RMDN2: variants seen among roughly 807,000 people sequenced by gnomAD.
RMDN2 encodes regulator of microtubule dynamics protein 2.
Under a neutral mutation model 52.8 loss-of-function variants are expected in RMDN2, and 61 were observed. That is an observed-to-expected ratio of 1.16 (90% CI 0.94 to 1.43). The LOEUF (loss-of-function observed/expected upper bound fraction) is 1.43, where lower values mean the gene tolerates loss of function less well. Among genes scored for constraint, RMDN2 ranks in the 40% most tolerant of loss-of-function variants. The pLI is 0.00. For missense variants in RMDN2, 592 were observed against 475.3 expected (o/e 1.25, Z -2.28); for synonymous variants, 180 against 153.1 (o/e 1.18, Z -1.30).
chr2:38,036,825 A>T (rs970731326), intron 10 of RMDN2: 2 of 152,296 alleles, frequency 1.3e-5, no homozygotes, highest in African/African-American at 4.8e-5. Flanking sequence ...TGAGCTGGCA[A>T]ATACAGTGTT....
intron 8 of RMDN2, among the ~76,000 whole-genome samples, chr2:38,001,614 A>G (rs1239492585): frequency 2.0e-5 from 3 of 152,236 alleles, no homozygotes; most frequent in Non-Finnish European, 4.4e-5. Flanking sequence ...CATTAAAGAA[A>G]TAAGCTGTTT....
At position 37,997,438 on chromosome 2, in the gene RMDN2, A is replaced by T; in HGVS notation, c.968A>T (p.Glu323Val). Residue 323 changes from glutamate to valine, a missense_variant, in exon 8 of 11, where the codon GAG (glutamate) becomes GTG (valine). By Grantham distance (121) the Glu-to-Val change is moderately radical. Transcript: ENST00000354545. ...CYTVSKLSWI[E>V]KKMAATLFGK... ...CAGGTCTCAAAACTGAGCTGGATTG[A>T]GAAAAAAATGGCTGCTACTCTGTTT... 1 of 1,613,582 alleles carries T rather than the reference A, an allele frequency of 6.2e-7. No individual in the cohort carries two copies. Among genetic ancestry groups the T allele is most frequent in the Non-Finnish European group, 8.5e-7 (1 of 1,179,536 alleles).
chr2:37,977,461 CG>C lies in RMDN2; in HGVS notation c.730+2152del, dbSNP rs1201383528. On this transcript the variant is annotated intron_variant, in intron 4 of 10. Coordinates refer to ENST00000354545, the MANE Select transcript of RMDN2 (RefSeq NM_001170791.3). ...CTCCCAGACGGGGCGGCTGGCTGGG[CG>C]GGGGCTGCCCCCACCTCCCGGACGG... 2.0e-5 allele frequency among the ~76,000 whole-genome samples: 3 copies of C among 148,184 alleles called. No homozygotes were observed. In the East Asian group the frequency reaches 6.2e-4, roughly 31 times the overall value.
chr2:37,971,145 T>C (rs1671759564), intron 2 of RMDN2, among the ~76,000 whole-genome samples: 1 of 152,094 alleles, frequency 6.6e-6, no homozygotes, highest in African/African-American at 2.4e-5. Flanking sequence ...AGATCACAAA[T>C]ATTTGCTCCT....
intron 10 of RMDN2, among the ~76,000 whole-genome samples, chr2:38,031,776 G>A (rs1680224805): frequency 6.6e-6 from 1 of 152,182 alleles, no homozygotes; most frequent in African/African-American, 2.4e-5. Context: ...TCAGTTTCAA[G>A]GCTGAGCATG....
chr2:38,060,434 C>A (rs550706118), intron 10 of RMDN2, among the ~76,000 whole-genome samples: 14 of 152,314 alleles, frequency 9.2e-5, no homozygotes, highest in Non-Finnish European at 1.9e-4. Flanking sequence ...TGTTTCCCCA[C>A]TTTTTTCCTC....
intron 4 of RMDN2, 47 bp from the exon 5 acceptor site, chr2:37,981,236 T>C: frequency 8.7e-7 from 1 of 1,142,862 alleles, no homozygotes; most frequent in South Asian, 1.2e-5. Flanking sequence ...ATCCACCTCC[T>C]ACCAACTCAC....
chr2:37,931,389 T>C (rs1052721075), intron 2 of RMDN2, among the ~76,000 whole-genome samples: 2 of 152,250 alleles, frequency 1.3e-5, no homozygotes, highest in African/African-American at 4.8e-5. Flanking sequence ...GTGGTTATCC[T>C]ACCTGTATGT....
At chr2:38,059,956 G>A (rs1418454585) in intron 10 of RMDN2, among the ~76,000 whole-genome samples, 1 of 152,088 alleles carries the variant, frequency 6.6e-6, no homozygotes, top group East Asian at 1.9e-4. Flanking sequence ...GGAGTGCAGT[G>A]ACTCGATCTC....
At chr2:38,004,690 T>TGA (rs1265924962) in intron 10 of RMDN2, among the ~76,000 whole-genome samples, 2 of 151,016 alleles carry the variant, frequency 1.3e-5, no homozygotes, top group Admixed American at 6.6e-5. Flanking sequence ...GATGGAGTTT[T>TGA]CTTTCTTTTT....
chr2:37,944,676 C>T (rs1668076596), intron 2 of RMDN2, among the ~76,000 whole-genome samples: 1 of 152,138 alleles, frequency 6.6e-6, no homozygotes, highest in African/African-American at 2.4e-5. Flanking sequence ...GAAACCTGAT[C>T]TAGGCCTGTA....
chr2:37,922,313 A>C (rs1666053278), upstream of RMDN2, among the ~76,000 whole-genome samples: 1 of 152,138 alleles, frequency 6.6e-6, no homozygotes, highest in South Asian at 2.1e-4. Flanking sequence ...ACAACAAGGA[A>C]CTAGAAAATG....
At chr2:37,948,608 A>G (rs1451151189) in intron 2 of RMDN2, among the ~76,000 whole-genome samples, 1 of 152,168 alleles carries the variant, frequency 6.6e-6, no homozygotes, top group Non-Finnish European at 1.5e-5. Context: ...TGGTTCTCTT[A>G]AAAAGCCAAA....
intron 10 of RMDN2, among the ~76,000 whole-genome samples, chr2:38,010,263 C>T (rs1048649912): frequency 5.9e-5 from 9 of 152,290 alleles, no homozygotes; most frequent in Non-Finnish European, 7.4e-5. Flanking sequence ...TTTAAGTCTG[C>T]AGAGGATTCT....
chr2:37,940,552 C>G (rs1188538163), intron 2 of RMDN2, among the ~76,000 whole-genome samples: 1 of 152,178 alleles, frequency 6.6e-6, no homozygotes, highest in African/African-American at 2.4e-5. Context: ...TTCAGATAGT[C>G]CCATGTTTCC....
intron 7 of RMDN2, among the ~76,000 whole-genome samples, chr2:37,996,316 G>A: frequency 6.6e-6 from 1 of 152,172 alleles, no homozygotes; most frequent in Non-Finnish European, 1.5e-5. Flanking sequence ...TGGGCAAGGT[G>A]GCTTATGCCT....
At chr2:37,964,043 C>T (rs7590881) in intron 2 of RMDN2, among the ~76,000 whole-genome samples, 1 of 150,722 alleles carries the variant, frequency 6.6e-6, no homozygotes, top group African/African-American at 2.4e-5. Context: ...GGCTGCCCCC[C>T]ACCTCCCTCC....
At chr2:37,922,938 C>T (rs1039920963), upstream of RMDN2, among the ~76,000 whole-genome samples, 1 of 152,072 alleles carries the variant, frequency 6.6e-6, no homozygotes, top group East Asian at 1.9e-4. Flanking sequence ...GTGGAAGTAG[C>T]GGAGAAAAGC....
downstream of RMDN2, among the ~76,000 whole-genome samples, chr2:38,020,456 C>G (rs967267666): frequency 2.0e-5 from 3 of 152,250 alleles, no homozygotes; most frequent in African/African-American, 7.2e-5. Flanking sequence ...GTGGGAGCCC[C>G]TTCCTGAGCT....
Sources: gnomAD v4.1 joint callset for allele counts (sites outside exome capture counted in the v4.1 genomes callset) on GRCh38, gnomAD v4.1.1 for gene constraint, MANE v1.5 for transcripts, NCBI Gene and HGNC (gene_info 2026-07-23, HGNC 2026-07-21) for gene names.